Variants in DNAH5 observed in about 807,000 individuals in gnomAD.
DNAH5 encodes axonemal beta dynein heavy chain 5.
In DNAH5, 372 loss-of-function variants were observed where a neutral mutation model predicts 518.2. The ratio of observed to expected loss-of-function variants is 0.72; its 90% confidence interval spans 0.66 to 0.78. The LOEUF is 0.78. DNAH5 is among the 30% of genes least tolerant of loss of function. The pLI, the probability that DNAH5 is intolerant of heterozygous loss-of-function variation, is 0.00. For missense variants in DNAH5, 5,523 were observed against 5,687.0 expected, an observed-to-expected ratio of 0.97 and a Z score of 0.93; for synonymous variants, 2,039 against 2,025.9, an observed-to-expected ratio of 1.01 and a Z score of -0.17.
chr5:13,894,886 TG>T (rs1773715804), intron 15 of DNAH5, 65 bp from the exon 16 acceptor site: 10 of 1,560,154 alleles, frequency 6.4e-6, no homozygotes, highest in Non-Finnish European at 8.8e-6. Flanking sequence ...TAATATCTCA[TG>T]TCTTATACAA....
intron 68 of DNAH5, 103 bp from the exon 69 acceptor site, chr5:13,729,663 T>C: frequency 1.9e-6 from 2 of 1,072,052 alleles, no homozygotes; most frequent in Non-Finnish European, 2.7e-6. Context: ...TTTACTACTT[T>C]CACTTTTTTA....
chr5:13,792,022 G>A lies in DNAH5; in HGVS notation c.8420C>T (p.Thr2807Ile). 1.2e-6 allele frequency: 2 copies of A among 1,613,960 alleles called. No homozygotes were observed. Among genetic ancestry groups the A allele is most frequent in the Non-Finnish European group, 8.5e-7 (1 of 1,179,942 alleles). The change falls in exon 50 of 79, where the codon ACT (threonine) becomes ATT (isoleucine). Residue 2807 changes from threonine (T) to isoleucine (I), a missense_variant. This residue lies in a region of DNAH5 where 5,121 missense variants were observed against 5,223.3 expected (regional missense o/e 0.98). Transcript: ENST00000265104. Reference sequence around the variant, plus strand: ...TGGTTCCTTGATGACCTCTGAAGTAGTGTTCAGCATTCCCTGCCAGACCCG... The same window carrying A: ...TGGTTCCTTGATGACCTCTGAAGTAATGTTCAGCATTCCCTGCCAGACCCG... ...LSRVWQGMLN[T>I]TSEVIKEPND...
At chr5:13,842,457 A>AAG (rs1365134377) in intron 32 of DNAH5, among the ~76,000 whole-genome samples, 1 of 92,436 alleles carries the variant, frequency 1.1e-5, no homozygotes, top group East Asian at 4.7e-4. Flanking sequence ...GAAAGAAAGA[A>AAG]AGAAAGAAAG....
In DNAH5 at chr5:13,691,601, C is replaced by A; in HGVS notation, c.*383G>T. The stretch of plus-strand genomic sequence containing the variant: ...AATCAGCACAGACTTGCCCTGTTAC[C>A]TTCAAGAACTTGGCTGTTACCAGGC... On this transcript the variant is annotated 3_prime_UTR_variant, in exon 79 of 79. Transcript: ENST00000265104. The A allele has an allele frequency of 4.6e-6, 1 of 218,364 alleles. No homozygotes were observed. The highest frequency in any genetic ancestry group is 5.3e-5 in the Admixed American group (1 of 18,746). 13.5% of individuals were successfully genotyped at this position (218,364 alleles called of 1,614,324 possible). A position where few individuals can be genotyped will look rare whatever the true frequency, so the allele number is the denominator to read the frequency against.
intron 16 of DNAH5, among the ~76,000 whole-genome samples, chr5:13,891,577 T>C (rs975846159): frequency 4.6e-5 from 7 of 152,192 alleles, no homozygotes; most frequent in African/African-American, 9.7e-5. Flanking sequence ...TCCATGTGCA[T>C]TGGAGTGGTC....
At chr5:13,975,678 TTCAG>T (rs1322443829) in intron 1 of DNAH5, among the ~76,000 whole-genome samples, 16 of 152,222 alleles carry the variant, frequency 1.1e-4, no homozygotes, top group African/African-American at 3.9e-4. Context: ...TTTTGCAGTC[TTCAG>T]TGTCTAGTGG....
In DNAH5 at chr5:13,862,459, G is replaced by A. The variant is rs904807911; in HGVS notation, c.4796+89C>T. The A allele has an allele frequency of 4.8e-6, 6 of 1,238,536 alleles. No individual in the cohort carries two copies. The African/African-American group carries it at 7.4e-5, about 15-fold the overall frequency. 76.7% of individuals were successfully genotyped at this position (1,238,536 alleles called of 1,614,324 possible). ...TTCAACATTGAGTAAACTATATGAA[G>A]GCTATTATTGTAATGGATTTTTCAT... On this transcript the variant is annotated intron_variant, in intron 29 of 78. Transcript: ENST00000265104.
At chr5:13,770,426 A>G (rs181248308) in intron 56 of DNAH5, among the ~76,000 whole-genome samples, 2 of 152,332 alleles carry the variant, frequency 1.3e-5, no homozygotes, top group Non-Finnish European at 2.9e-5. Flanking sequence ...AGAACGCAGT[A>G]GGCCACATAA....
chr5:14,008,435 C>T (rs1424166045), intron 1 of DNAH5, among the ~76,000 whole-genome samples: 1 of 151,910 alleles, frequency 6.6e-6, no homozygotes, highest in Non-Finnish European at 1.5e-5. Context: ...CCAGCCTGGG[C>T]AACATGGTGA....
rs2151920490 is a variant in DNAH5, at chr5:13,871,679, T to C, written c.3483A>G (p.Thr1161=). Residue 1161 remains threonine (T), a synonymous_variant, in exon 23 of 79, where the codon ACA becomes ACG. Transcript: ENST00000265104. The part of the protein sequence containing the change: ...GKEEAIKTFI[T]QSPLLSEFES... ...CAAATTCAGAAAGCAAGGGGCTCTGTGTAATAAATGTCTTAATGGCTTCTT... is the reference window on the plus strand; with the variant it reads ...CAAATTCAGAAAGCAAGGGGCTCTGCGTAATAAATGTCTTAATGGCTTCTT... 2 of 1,613,806 alleles carry C rather than the reference T, an allele frequency of 1.2e-6. No homozygotes were observed. Among genetic ancestry groups the C allele is most frequent in the Middle Eastern group, 1.6e-4 (1 of 6,062 alleles).
intron 12 of DNAH5, among the ~76,000 whole-genome samples, chr5:13,910,339 T>C (rs1190743584): frequency 6.6e-6 from 1 of 152,156 alleles, no homozygotes. Context: ...GCACCCACTT[T>C]ATAGGATTAT....
rs753624618 is a variant in DNAH5, at chr5:13,707,024, C to T, written c.13338+1099G>A. Among the ~76,000 whole-genome samples the T allele has an allele frequency of 9.9e-5, 15 of 152,176 alleles. 1 individual carries two copies. Among genetic ancestry groups the T allele is most frequent in the Non-Finnish European group, 2.1e-4 (14 of 68,032 alleles). ...AAGACCACTCTGGCCCACCATGCCC[C>T]GCATCCTGTGCCCATATAAACCCAA... On this transcript the variant is annotated intron_variant, in intron 76 of 78. Transcript: ENST00000265104. The surrounding 1 kb of genome is among the most constrained non-coding windows in gnomAD (Gnocchi z 4.0).
chr5:13,780,001 C>A (rs1412776222), intron 53 of DNAH5, among the ~76,000 whole-genome samples: 1 of 152,190 alleles, frequency 6.6e-6, no homozygotes, highest in African/African-American at 2.4e-5. Flanking sequence ...GGGATGAAGT[C>A]TGACTTTTTA....
chr5:13,820,554 G>A, intron 40 of DNAH5, 55 bp from the exon 41 acceptor site: 1 of 1,600,380 alleles, frequency 6.2e-7, no homozygotes, highest in Non-Finnish European at 8.5e-7. Flanking sequence ...GCCGGACACG[G>A]TGGCTCACGC....
intron 12 of DNAH5, among the ~76,000 whole-genome samples, chr5:13,903,819 G>C (rs1185201821): frequency 6.6e-6 from 1 of 151,988 alleles, no homozygotes; most frequent in Non-Finnish European, 1.5e-5. Flanking sequence ...GACTGGATGA[G>C]TTTACCATTA....
At chr5:13,715,610 T>C (rs866979895) in intron 74 of DNAH5, among the ~76,000 whole-genome samples, 1 of 152,242 alleles carries the variant, frequency 6.6e-6, no homozygotes, top group Non-Finnish European at 1.5e-5. Flanking sequence ...TGTTATGTTT[T>C]AGTTTGTTTA....
intron 78 of DNAH5, among the ~76,000 whole-genome samples, chr5:13,695,877 CACAT>C (rs1220392953): frequency 6.6e-6 from 1 of 152,158 alleles, no homozygotes; most frequent in Admixed American, 6.5e-5. Flanking sequence ...CATGCACACG[CACAT>C]ACACACACAT....
chr5:13,852,565 G>T (rs927150343), intron 30 of DNAH5, among the ~76,000 whole-genome samples: 1 of 152,148 alleles, frequency 6.6e-6, no homozygotes, highest in Non-Finnish European at 1.5e-5. Context: ...GTAGCCAGGT[G>T]GTCTTGCTCA....
Position 13,749,262 on chromosome 5 carries a change from G to T in DNAH5, c.11211+1816C>A, listed in dbSNP as rs558487647. Among the ~76,000 whole-genome samples the T allele has an allele frequency of 4.6e-5, 7 of 152,166 alleles. No homozygotes were observed. The South Asian group carries it at 1.5e-3, about 32-fold the overall frequency. ...TTATTATGAAAGAAAAAAAATGAGTGTCACATTATTCTGGCTGATCATTTT... is the reference window on the plus strand; with the variant it reads ...TTATTATGAAAGAAAAAAAATGAGTTTCACATTATTCTGGCTGATCATTTT... On this transcript the variant is annotated intron_variant, in intron 65 of 78. Transcript: ENST00000265104.
Sources: allele counts gnomAD v4.1 joint callset (sites outside exome capture counted in the v4.1 genomes callset), GRCh38; gene constraint gnomAD v4.1.1; regional missense constraint gnomAD v4.1.1; non-coding constraint Gnocchi (gnomAD v3.1); transcripts MANE v1.5; gene names NCBI Gene and HGNC (gene_info 2026-07-23, HGNC 2026-07-21).